FSTL5: variants seen among roughly 807,000 people sequenced by gnomAD.
The protein encoded by FSTL5 is follistatin like 5.
FSTL5 carries 62 observed loss-of-function variants against 89.1 expected under a neutral mutation model. That is an observed-to-expected ratio of 0.70 (90% CI 0.57 to 0.86). The LOEUF (loss-of-function observed/expected upper bound fraction) is 0.86, where lower values mean the gene tolerates loss of function less well. Ranked by LOEUF, FSTL5 falls within the 40% of genes least tolerant of loss-of-function variation. The pLI is 0.00. For missense variants in FSTL5, 1,057 were observed against 1,001.6 expected (o/e 1.06, Z -0.75); for synonymous variants, 383 against 346.2 (o/e 1.11, Z -1.18).
intron 4 of FSTL5, among the ~76,000 whole-genome samples, chr4:161,886,233 C>T (rs1359865553): frequency 6.6e-6 from 1 of 152,136 alleles, no homozygotes; most frequent in Non-Finnish European, 1.5e-5. Context: ...AATCAGTTAA[C>T]TCAAACCTGG....
chr4:161,882,505 A>C (rs1441623293), intron 4 of FSTL5, among the ~76,000 whole-genome samples: 5 of 152,054 alleles, frequency 3.3e-5, no homozygotes, highest in African/African-American at 1.2e-4. Flanking sequence ...TCTGTTTGTT[A>C]TTTTACACAT....
At chr4:162,001,598 T>TTGTGTGTGTGTG (rs34546507) in intron 3 of FSTL5, among the ~76,000 whole-genome samples, 262 of 150,034 alleles carry the variant, frequency 1.7e-3, no homozygotes, top group East Asian at 7.1e-3. Context: ...GATACATGCA[T>TTGTGTGTGTGTG]TGTGTGTGTG....
intron 15 of FSTL5, among the ~76,000 whole-genome samples, chr4:161,427,051 T>C (rs965289035): frequency 1.3e-5 from 2 of 152,166 alleles, no homozygotes; most frequent in Non-Finnish European, 1.5e-5. Flanking sequence ...GTATACAAAA[T>C]AGAATTTAGC....
At chr4:161,988,443 A>G (rs968298811) in intron 3 of FSTL5, among the ~76,000 whole-genome samples, 2 of 152,172 alleles carry the variant, frequency 1.3e-5, no homozygotes, top group African/African-American at 4.8e-5. Context: ...AAGAGATGCT[A>G]AAAGTTTAAA....
chr4:161,868,045 A>G (rs1043061989), intron 4 of FSTL5, among the ~76,000 whole-genome samples: 4 of 152,152 alleles, frequency 2.6e-5, no homozygotes, highest in African/African-American at 4.8e-5. Flanking sequence ...CACATTATAT[A>G]GATAAAAGCT....
intron 10 of FSTL5, among the ~76,000 whole-genome samples, chr4:161,516,221 T>A (rs1294384254): frequency 6.7e-6 from 1 of 149,144 alleles, no homozygotes; most frequent in Non-Finnish European, 1.5e-5. Context: ...CAGCTCCTTA[T>A]TTCTATTAGG....
In FSTL5 at chr4:161,714,417, A is replaced by T. The variant is rs546189602; in HGVS notation, c.727+44994T>A. Among the ~76,000 whole-genome samples, 14 of 152,140 alleles carry T rather than the reference A, an allele frequency of 9.2e-5. No individual in the cohort carries two copies. The East Asian group carries it at 2.5e-3, about 27-fold the overall frequency. ...TATTTTCTACTTAATATACAGACAT[A>T]AAACATTCCAGAAATAATATACACA... is the stretch of plus-strand genomic sequence containing the variant. On this transcript the variant is annotated intron_variant, in intron 6 of 15. Coordinates refer to ENST00000306100, the MANE Select transcript of FSTL5 (RefSeq NM_020116.5).
At chr4:162,021,354 G>A (rs377283306) in intron 3 of FSTL5, among the ~76,000 whole-genome samples, 49 of 152,246 alleles carry the variant, frequency 3.2e-4, no homozygotes, top group East Asian at 1.9e-3. Flanking sequence ...AGCTTCAAGC[G>A]TTTATTAACA....
intron 7 of FSTL5, among the ~76,000 whole-genome samples, chr4:161,637,590 G>C (rs1735770792): frequency 6.9e-6 from 1 of 144,106 alleles, no homozygotes; most frequent in Non-Finnish European, 1.5e-5. Flanking sequence ...GGTTTTTATG[G>C]TTTTAGGTCT....
At position 161,826,712 on chromosome 4, in the gene FSTL5, C is replaced by G. The variant is rs2126856668; in HGVS notation, c.410-50638G>C. ...TTGTCTGACATAAGAATAGCAACTC[C>G]TGCTCACTTTTGGTGTCCATCTGCA... On this transcript the variant is annotated intron_variant, in intron 4 of 15. Coordinates refer to ENST00000306100, the MANE Select transcript of FSTL5 (RefSeq NM_020116.5). Among the ~76,000 whole-genome samples the G allele has an allele frequency of 1.3e-5, 2 of 152,248 alleles. 1 individual carries two copies. The highest frequency in any genetic ancestry group is 6.8e-3 in the Middle Eastern group (2 of 294).
At chr4:162,119,016 G>C (rs1731754836) in intron 1 of FSTL5, among the ~76,000 whole-genome samples, 1 of 152,084 alleles carries the variant, frequency 6.6e-6, no homozygotes. Flanking sequence ...AGAAATTCAA[G>C]TTGAAGACCA....
intron 3 of FSTL5, among the ~76,000 whole-genome samples, chr4:161,965,956 G>C (rs1735314460): frequency 3.9e-5 from 6 of 152,064 alleles, no homozygotes; most frequent in Admixed American, 3.9e-4. Context: ...ATCCAGGTAA[G>C]ATAGATGATA....
chr4:161,452,287 C>T (rs1404885094), intron 15 of FSTL5, among the ~76,000 whole-genome samples: 2 of 152,018 alleles, frequency 1.3e-5, no homozygotes, highest in African/African-American at 2.4e-5. Flanking sequence ...ACCAGCCTGA[C>T]CAAGATGGTG....
intron 9 of FSTL5, among the ~76,000 whole-genome samples, chr4:161,538,721 T>C (rs1162631072): frequency 6.6e-6 from 1 of 152,118 alleles, no homozygotes; most frequent in African/African-American, 2.4e-5. Context: ...GAGTAATTAA[T>C]TGAGCTAAAT....
At position 161,446,758 on chromosome 4, in the gene FSTL5, C is replaced by T. The variant is rs1732961499; in HGVS notation, c.1841+8246G>A. ...CTTAAATTCTCACAGTGAGCTCTGC[C>T]CCTCTCTTGTGGTGTATTCATTACA... On this transcript the variant is annotated intron_variant, in intron 15 of 15. Transcript: ENST00000306100. 2.0e-5 allele frequency among the ~76,000 whole-genome samples: 3 copies of T among 151,882 alleles called. No individual in the cohort carries two copies. In the South Asian group the frequency reaches 6.2e-4, roughly 32 times the overall value.
intron 4 of FSTL5, among the ~76,000 whole-genome samples, chr4:161,849,562 T>C (rs116402444): frequency 6.9e-6 from 1 of 144,496 alleles, no homozygotes. Flanking sequence ...CACACACACA[T>C]AGAATTCTCA....
In FSTL5 at chr4:161,385,463, G is replaced by T; in HGVS notation, c.*284C>A. 3.5e-6 allele frequency: 1 copy of T among 288,864 alleles called. No homozygotes were observed. 17.9% of individuals were successfully genotyped at this position (288,864 alleles called of 1,614,324 possible). A position where few individuals can be genotyped will look rare whatever the true frequency, so the allele number is the denominator to read the frequency against. On this transcript the variant is annotated 3_prime_UTR_variant, in exon 16 of 16. Coordinates refer to ENST00000306100, the MANE Select transcript of FSTL5 (RefSeq NM_020116.5). ...TTCCCTGCAGTTTAGTTTTTTAAAT[G>T]ATTTAAATCCTACTTTATTGTTTAA...
At chr4:162,016,016 A>T (rs1194772984) in intron 3 of FSTL5, among the ~76,000 whole-genome samples, 3 of 152,128 alleles carry the variant, frequency 2.0e-5, no homozygotes, top group African/African-American at 7.2e-5. Context: ...TTCATTAGAT[A>T]CTACTTTTCT....
chr4:161,713,283 G>T (rs1401608181), intron 6 of FSTL5, among the ~76,000 whole-genome samples: 1 of 152,124 alleles, frequency 6.6e-6, no homozygotes, highest in Non-Finnish European at 1.5e-5. Flanking sequence ...TAATAATTTT[G>T]CCTGGAAATG....
Sources: allele counts gnomAD v4.1 joint callset (sites outside exome capture counted in the v4.1 genomes callset), GRCh38; gene constraint gnomAD v4.1.1; transcripts MANE v1.5; gene names NCBI Gene and HGNC (gene_info 2026-07-23, HGNC 2026-07-21).